Variants in KCNQ5 observed in about 807,000 individuals in gnomAD.
KCNQ5 encodes potassium voltage-gated channel subfamily KQT member 5.
A neutral mutation model predicts 98.2 loss-of-function variants in KCNQ5; 30 were observed. The ratio of observed to expected loss-of-function variants is 0.31; its 90% CI spans 0.23 to 0.41. KCNQ5 has a LOEUF of 0.41. Ranked by LOEUF, KCNQ5 falls within the 10% of genes least tolerant of loss-of-function variation. The pLI, the probability that KCNQ5 is intolerant of heterozygous loss-of-function variation, is 1.00. For synonymous variants in KCNQ5, 458 were observed against 449.4 expected (o/e 1.02, Z -0.24); for missense variants, 835 against 1,182.5 (o/e 0.71, Z 4.31).
At chr6:73,016,971 A>C (rs1355438452) in intron 2 of KCNQ5, among the ~76,000 whole-genome samples, 1 of 151,956 alleles carries the variant, frequency 6.6e-6, no homozygotes, top group Non-Finnish European at 1.5e-5. Context: ...TGGATTTCCC[A>C]CTTGGTCTCT....
At chr6:72,990,706 C>A (rs1179709049) in intron 1 of KCNQ5, among the ~76,000 whole-genome samples, 9 of 85,720 alleles carry the variant, frequency 1.0e-4, no homozygotes, top group Non-Finnish European at 1.8e-4. Flanking sequence ...TGAATAGGAG[C>A]GGTGAGAGAG....
At chr6:72,979,615 A>G (rs1442737824) in intron 1 of KCNQ5, among the ~76,000 whole-genome samples, 9 of 152,082 alleles carry the variant, frequency 5.9e-5, no homozygotes, top group Non-Finnish European at 1.2e-4. Flanking sequence ...ATTTTCTCCC[A>G]TTCTGTAGGT....
At chr6:73,158,496 A>T (rs1777475884) in intron 10 of KCNQ5, among the ~76,000 whole-genome samples, 1 of 151,828 alleles carries the variant, frequency 6.6e-6, no homozygotes, top group Non-Finnish European at 1.5e-5. Context: ...CGAACTCCTG[A>T]CCTCAGGGAT....
chr6:72,632,107 T>C (rs1401364511), intron 1 of KCNQ5, among the ~76,000 whole-genome samples: 1 of 151,704 alleles, frequency 6.6e-6, no homozygotes, highest in Non-Finnish European at 1.5e-5. Flanking sequence ...ACTTTGCCTG[T>C]TAGAGTTTTA....
At chr6:73,097,169 A>G (rs1213600002) in intron 5 of KCNQ5, among the ~76,000 whole-genome samples, 17 of 148,904 alleles carry the variant, frequency 1.1e-4, no homozygotes, top group African/African-American at 4.1e-4. Flanking sequence ...ACACACACAC[A>G]TACACATATT....
At chr6:72,888,181 G>A (rs1344298008) in intron 1 of KCNQ5, among the ~76,000 whole-genome samples, 4 of 152,116 alleles carry the variant, frequency 2.6e-5, no homozygotes, top group Admixed American at 1.3e-4. Context: ...AGCAGATCCC[G>A]TCTGCTAAGA....
intron 1 of KCNQ5, among the ~76,000 whole-genome samples, chr6:72,773,299 C>T (rs1000114772): frequency 5.3e-5 from 8 of 152,068 alleles, no homozygotes; most frequent in African/African-American, 1.9e-4. Flanking sequence ...TACTACGCAG[C>T]CATAAAAAAG....
At chr6:73,076,050 G>C (rs1029156882) in intron 3 of KCNQ5, among the ~76,000 whole-genome samples, 1 of 152,076 alleles carries the variant, frequency 6.6e-6, no homozygotes, top group Non-Finnish European at 1.5e-5. Context: ...GAAGAAAGGA[G>C]AGGAGAGGGG....
At chr6:73,158,513 G>A (rs991904194) in intron 10 of KCNQ5, among the ~76,000 whole-genome samples, 2 of 151,944 alleles carry the variant, frequency 1.3e-5, no homozygotes, top group East Asian at 1.9e-4. Flanking sequence ...GGATCCGCGC[G>A]CCTCAGCCTC....
intron 7 of KCNQ5, among the ~76,000 whole-genome samples, chr6:73,118,965 C>G (rs1225905555): frequency 6.6e-6 from 1 of 152,140 alleles, no homozygotes; most frequent in Non-Finnish European, 1.5e-5. Flanking sequence ...AGGTGGCAGA[C>G]AGCCAAGATT....
chr6:73,024,631 G>A (rs1208585933), intron 2 of KCNQ5, among the ~76,000 whole-genome samples: 1 of 152,176 alleles, frequency 6.6e-6, no homozygotes, highest in Non-Finnish European at 1.5e-5. Context: ...CCAGAATTCA[G>A]TTTTATGTTT....
At chr6:73,180,192 G>A (rs1429315956) in intron 11 of KCNQ5, among the ~76,000 whole-genome samples, 3 of 152,078 alleles carry the variant, frequency 2.0e-5, no homozygotes, top group Non-Finnish European at 4.4e-5. Flanking sequence ...AGAGACCAAG[G>A]ACCAAATGAT....
chr6:73,180,593 C>T (rs1778373820), intron 11 of KCNQ5, among the ~76,000 whole-genome samples: 1 of 152,188 alleles, frequency 6.6e-6, no homozygotes, highest in African/African-American at 2.4e-5. Flanking sequence ...CAACACACTC[C>T]ACCACCACAT....
At chr6:72,946,188 T>G (rs1766539054) in intron 1 of KCNQ5, among the ~76,000 whole-genome samples, 1 of 152,198 alleles carries the variant, frequency 6.6e-6, no homozygotes, top group Non-Finnish European at 1.5e-5. Context: ...ACATTCATAT[T>G]AACATGAAAA....
intron 1 of KCNQ5, among the ~76,000 whole-genome samples, chr6:72,643,659 T>G (rs755533256): frequency 1.3e-5 from 2 of 152,078 alleles, no homozygotes; most frequent in Non-Finnish European, 2.9e-5. Context: ...AAAAAAAACC[T>G]GGAGAGGCCA....
At position 72,918,131 on chromosome 6, in the gene KCNQ5, CA is replaced by C. The variant is rs757306353; in HGVS notation, c.399-85774del. Among the ~76,000 whole-genome samples the C allele has an allele frequency of 5.3e-5, 8 of 152,226 alleles. No homozygotes were observed. The East Asian group carries it at 1.5e-3, about 29-fold the overall frequency. On this transcript the variant is annotated intron_variant, in intron 1 of 13. Transcript: ENST00000370398. ...AATGATTGATCTAGATGAAACTTTC[CA>C]AACTGAGTTTCCTGTGTCACTATGC... is the stretch of plus-strand genomic sequence containing the variant.
chr6:72,735,262 A>T (rs1770768069), intron 1 of KCNQ5, among the ~76,000 whole-genome samples: 1 of 152,238 alleles, frequency 6.6e-6, no homozygotes, highest in Non-Finnish European at 1.5e-5. Flanking sequence ...ACAGTTCAGG[A>T]CATGTATGGA....
chr6:73,154,903 A>G (rs1777299570), intron 10 of KCNQ5, among the ~76,000 whole-genome samples: 1 of 152,186 alleles, frequency 6.6e-6, no homozygotes, highest in African/African-American at 2.4e-5. Flanking sequence ...AAAACAAAAA[A>G]ATTAACCATA....
intron 1 of KCNQ5, among the ~76,000 whole-genome samples, chr6:72,712,035 G>A (rs957108439): frequency 6.6e-6 from 1 of 152,184 alleles, no homozygotes; most frequent in Admixed American, 6.5e-5. Flanking sequence ...TACAGTTTCA[G>A]TTCTCTGTGG....
Sources: allele counts gnomAD v4.1 joint callset (sites outside exome capture counted in the v4.1 genomes callset), GRCh38; gene constraint gnomAD v4.1.1; transcripts MANE v1.5; gene names NCBI Gene and HGNC (gene_info 2026-07-23, HGNC 2026-07-21).